LHFPL3: variants seen among roughly 807,000 people sequenced by gnomAD.
The protein encoded by LHFPL3 is LHFPL tetraspan subfamily member 3.
Under a neutral mutation model 19.3 loss-of-function variants are expected in LHFPL3, and 5 were observed. That is an observed-to-expected ratio of 0.26 (90% CI 0.14 to 0.54). The LOEUF is 0.54. LHFPL3 is among the 20% of genes least tolerant of loss of function. The probability of loss-of-function intolerance (pLI) is 0.94; values close to 1 mark genes in which losing one functional copy is unlikely to be tolerated. For missense variants in LHFPL3, 249 were observed against 307.4 expected (o/e 0.81, Z 1.42); for synonymous variants, 133 against 126.2 (o/e 1.05, Z -0.36).
At chr7:104,897,690 A>C (rs1792393684) in intron 2 of LHFPL3, among the ~76,000 whole-genome samples, 1 of 152,222 alleles carries the variant, frequency 6.6e-6, no homozygotes, top group African/African-American at 2.4e-5. Flanking sequence ...ATTGTTAGTA[A>C]TCTACTTATT....
chr7:104,507,719 G>A (rs1793727146), intron 1 of LHFPL3, among the ~76,000 whole-genome samples: 2 of 132,410 alleles, frequency 1.5e-5, no homozygotes, highest in African/African-American at 2.8e-5. Flanking sequence ...TCTGACAAAG[G>A]GCTAATATCC....
chr7:104,430,562 A>G (rs1188454494), intron 1 of LHFPL3, among the ~76,000 whole-genome samples: 1 of 136,242 alleles, frequency 7.3e-6, no homozygotes, highest in Admixed American at 8.0e-5. Context: ...TCCGCCTGCC[A>G]GGTTCATGCC....
chr7:104,543,929 TAATAAA>T (rs1160836383), intron 1 of LHFPL3, among the ~76,000 whole-genome samples: 1 of 148,684 alleles, frequency 6.7e-6, no homozygotes, highest in Non-Finnish European at 1.5e-5. Flanking sequence ...ATAATAATAA[TAATAAA>T]ACCTAGATGA....
chr7:104,682,491 C>A (rs1033863714), intron 1 of LHFPL3, among the ~76,000 whole-genome samples: 1 of 152,164 alleles, frequency 6.6e-6, no homozygotes, highest in Non-Finnish European at 1.5e-5. Context: ...AACCTAAGTG[C>A]CCAACATAGT....
intron 2 of LHFPL3, among the ~76,000 whole-genome samples, chr7:104,846,163 A>G (rs1791309561): frequency 6.6e-6 from 1 of 152,102 alleles, no homozygotes; most frequent in Non-Finnish European, 1.5e-5. Flanking sequence ...GTGTTCCTTG[A>G]TTTTCCATTA....
At chr7:104,571,291 A>G (rs1187226122) in intron 1 of LHFPL3, among the ~76,000 whole-genome samples, 1 of 152,196 alleles carries the variant, frequency 6.6e-6, no homozygotes, top group Non-Finnish European at 1.5e-5. Flanking sequence ...TTCAGTCAAG[A>G]GACCGTAAAT....
intron 1 of LHFPL3, among the ~76,000 whole-genome samples, chr7:104,470,847 C>T (rs1169880536): frequency 1.3e-5 from 2 of 152,122 alleles, no homozygotes; most frequent in Non-Finnish European, 2.9e-5. Context: ...CCTTTCATTC[C>T]AGCTCTCATT....
chr7:104,615,044 T>A (rs1425491570), intron 1 of LHFPL3, among the ~76,000 whole-genome samples: 6 of 152,136 alleles, frequency 3.9e-5, no homozygotes, highest in Non-Finnish European at 8.8e-5. Context: ...AGTGAGCCAC[T>A]GTGCCTGGCC....
chr7:104,515,703 C>A (rs993262), intron 1 of LHFPL3, among the ~76,000 whole-genome samples: 1 of 152,080 alleles, frequency 6.6e-6, no homozygotes, highest in South Asian at 2.1e-4. Flanking sequence ...AAAAGCAATA[C>A]GAAAAGGAGG....
At chr7:104,783,904 G>A (rs1562792347) in intron 2 of LHFPL3, among the ~76,000 whole-genome samples, 1 of 152,144 alleles carries the variant, frequency 6.6e-6, no homozygotes, top group Non-Finnish European at 1.5e-5. Flanking sequence ...ATCTAAATAA[G>A]GTGTAATTAA....
At chr7:104,881,119 G>T (rs543058557) in intron 2 of LHFPL3, among the ~76,000 whole-genome samples, 63 of 149,894 alleles carry the variant, frequency 4.2e-4, no homozygotes, top group Admixed American at 2.2e-3. Flanking sequence ...GCAGTGAGCC[G>T]GGATAGCACC....
chr7:104,729,281 G>A (rs1237510363), intron 1 of LHFPL3, among the ~76,000 whole-genome samples: 1 of 152,082 alleles, frequency 6.6e-6, no homozygotes, highest in Non-Finnish European at 1.5e-5. Flanking sequence ...CATATAATGG[G>A]ATGTTTTAAT....
At chr7:104,795,516 G>T (rs1207429873) in intron 2 of LHFPL3, among the ~76,000 whole-genome samples, 1 of 152,148 alleles carries the variant, frequency 6.6e-6, no homozygotes, top group East Asian at 1.9e-4. Flanking sequence ...GAAAAAATGA[G>T]CCAGAGAGAA....
At chr7:104,629,980 A>G (rs1232422115) in intron 1 of LHFPL3, among the ~76,000 whole-genome samples, 1 of 152,192 alleles carries the variant, frequency 6.6e-6, no homozygotes, top group Non-Finnish European at 1.5e-5. Context: ...GTCAAAAATC[A>G]CTGACAAAGA....
intron 1 of LHFPL3, among the ~76,000 whole-genome samples, chr7:104,506,419 C>T (rs1793699639): frequency 6.6e-6 from 1 of 152,168 alleles, no homozygotes; most frequent in African/African-American, 2.4e-5. Flanking sequence ...CATGACATTG[C>T]TGTGCATATC....
chr7:104,586,779 C>T (rs1477819806), intron 1 of LHFPL3, among the ~76,000 whole-genome samples: 2 of 152,116 alleles, frequency 1.3e-5, no homozygotes, highest in South Asian at 2.1e-4. Flanking sequence ...GTGTGTCTTC[C>T]GTGTGCTACG....
intron 1 of LHFPL3, among the ~76,000 whole-genome samples, chr7:104,419,726 T>C (rs1176111883): frequency 6.6e-6 from 1 of 152,066 alleles, no homozygotes; most frequent in Non-Finnish European, 1.5e-5. Flanking sequence ...GTAGAGATAA[T>C]CATGGAAGTC....
intron 2 of LHFPL3, among the ~76,000 whole-genome samples, chr7:104,773,371 C>G (rs1250136505): frequency 6.6e-6 from 1 of 152,226 alleles, no homozygotes; most frequent in Non-Finnish European, 1.5e-5. Context: ...ATTTGGGAAG[C>G]AGATGTTCCC....
intron 1 of LHFPL3, among the ~76,000 whole-genome samples, chr7:104,360,728 TG>T (rs1790375489): frequency 6.8e-6 from 1 of 146,724 alleles, no homozygotes; most frequent in East Asian, 1.9e-4. Flanking sequence ...TGTGTGTGTG[TG>T]TGTGTGTGTG....
Sources: allele counts gnomAD v4.1 joint callset (sites outside exome capture counted in the v4.1 genomes callset), GRCh38; gene constraint gnomAD v4.1.1; transcripts MANE v1.5; gene names NCBI Gene and HGNC (gene_info 2026-07-23, HGNC 2026-07-21).